PIP5K1B: variants seen among roughly 807,000 people sequenced by gnomAD.
PIP5K1B encodes phosphatidylinositol 4-phosphate 5-kinase type-1 beta.
Under a neutral mutation model 67.0 loss-of-function variants are expected in PIP5K1B, and 42 were observed. That is an observed-to-expected ratio of 0.63 (90% CI 0.49 to 0.81). The LOEUF (loss-of-function observed/expected upper bound fraction) is 0.81, where lower values mean the gene tolerates loss of function less well. PIP5K1B is among the 30% of genes least tolerant of loss of function. The pLI is 0.00. For synonymous variants in PIP5K1B, 214 were observed against 231.4 expected, an observed-to-expected ratio of 0.92 and a Z score of 0.68; for missense variants, 459 against 646.3, an observed-to-expected ratio of 0.71 and a Z score of 3.14.
At chr9:68,952,628 T>A (rs551611674) in intron 14 of PIP5K1B, among the ~76,000 whole-genome samples, 1 of 152,236 alleles carries the variant, frequency 6.6e-6, no homozygotes, top group Non-Finnish European at 1.5e-5. Context: ...TAACACTTGA[T>A]TGATAGATTA....
chr9:68,771,227 A>G (rs1830657884), intron 2 of PIP5K1B, among the ~76,000 whole-genome samples: 1 of 152,218 alleles, frequency 6.6e-6, no homozygotes, highest in Non-Finnish European at 1.5e-5. Flanking sequence ...CTGTGGTTCT[A>G]TCCCTTTGCA....
chr9:68,910,573 A>G (rs1256408373), intron 8 of PIP5K1B, among the ~76,000 whole-genome samples: 1 of 152,222 alleles, frequency 6.6e-6, no homozygotes, highest in Non-Finnish European at 1.5e-5. Context: ...CAGAGCACAC[A>G]GCAAAATGCA....
At chr9:68,778,322 G>A (rs972636873) in intron 2 of PIP5K1B, among the ~76,000 whole-genome samples, 2 of 152,126 alleles carry the variant, frequency 1.3e-5, no homozygotes, top group African/African-American at 4.8e-5. Flanking sequence ...GCCTAGCAGG[G>A]AGTAGGCACT....
intron 14 of PIP5K1B, 93 bp downstream of exon 14, chr9:68,940,883 C>A: frequency 8.6e-7 from 1 of 1,162,718 alleles, no homozygotes; most frequent in Non-Finnish European, 1.3e-6. Context: ...ACGTCTCTAA[C>A]AACCAGGATG....
chr9:68,992,237 C>G (rs895069922), intron 15 of PIP5K1B, among the ~76,000 whole-genome samples: 4 of 151,894 alleles, frequency 2.6e-5, no homozygotes, highest in Non-Finnish European at 5.9e-5. Context: ...GCTGGGATTA[C>G]AGGCATGAGC....
intron 15 of PIP5K1B, among the ~76,000 whole-genome samples, chr9:68,997,911 G>C (rs1830663277): frequency 6.6e-6 from 1 of 151,890 alleles, no homozygotes; most frequent in Non-Finnish European, 1.5e-5. Context: ...TGGCTTTCCA[G>C]TTCAATTAGG....
chr9:68,951,294 A>T (rs1035699230), intron 14 of PIP5K1B, among the ~76,000 whole-genome samples: 7 of 152,238 alleles, frequency 4.6e-5, no homozygotes, highest in African/African-American at 1.4e-4. Context: ...TGCAAATTTC[A>T]TCCTGAAGGC....
chr9:68,924,647 T>C (rs1484757628), intron 12 of PIP5K1B, among the ~76,000 whole-genome samples: 3 of 152,070 alleles, frequency 2.0e-5, no homozygotes, highest in African/African-American at 7.2e-5. Context: ...TAATCCTATA[T>C]ATAGTTATTT....
At chr9:68,912,329 T>C (rs983119968) in intron 8 of PIP5K1B, among the ~76,000 whole-genome samples, 1 of 152,136 alleles carries the variant, frequency 6.6e-6, no homozygotes, top group Non-Finnish European at 1.5e-5. Context: ...TGAATGTAAG[T>C]ACTAGAAAGT....
At chr9:68,985,718 G>C (rs1830069840) in intron 14 of PIP5K1B, among the ~76,000 whole-genome samples, 1 of 152,200 alleles carries the variant, frequency 6.6e-6, no homozygotes, top group African/African-American at 2.4e-5. Context: ...GGCCTCCACG[G>C]GCCTGCACTC....
intron 1 of PIP5K1B, chr9:68,708,115 C>G (rs943708413): frequency 6.6e-6 from 1 of 151,816 alleles, no homozygotes; most frequent in Non-Finnish European, 1.5e-5. Context: ...TTAACAAGTG[C>G]GTTTTAGCTT....
At chr9:68,920,784 T>TCTCTCTCTCACACACACACACACACA (rs879785029) in intron 11 of PIP5K1B, among the ~76,000 whole-genome samples, 1 of 142,130 alleles carries the variant, frequency 7.0e-6, no homozygotes, top group Admixed American at 6.9e-5. Context: ...TCTCTCTCTC[T>TCTCTCTCTCACACACACACACACACA]CACACACATA....
At chr9:68,924,401 C>CAAA (rs71353093) in intron 12 of PIP5K1B, among the ~76,000 whole-genome samples, 25 of 86,748 alleles carry the variant, frequency 2.9e-4, no homozygotes, top group East Asian at 9.6e-4. Flanking sequence ...CACTGCGCCT[C>CAAA]AAAAAAAAAA....
chr9:68,913,685 A>G (rs982380347), intron 8 of PIP5K1B, among the ~76,000 whole-genome samples: 3 of 152,180 alleles, frequency 2.0e-5, no homozygotes, highest in African/African-American at 7.2e-5. Context: ...AGCTTTCCAC[A>G]TATGGGGATA....
chr9:68,881,224 T>G (rs1402893423), intron 6 of PIP5K1B, among the ~76,000 whole-genome samples: 2 of 152,226 alleles, frequency 1.3e-5, no homozygotes, highest in Admixed American at 6.5e-5. Flanking sequence ...TTACCAAATA[T>G]GTACTCAAAC....
intron 2 of PIP5K1B, among the ~76,000 whole-genome samples, chr9:68,807,422 G>T (rs1832928679): frequency 6.6e-6 from 1 of 152,110 alleles, no homozygotes; most frequent in African/African-American, 2.4e-5. Context: ...TAACAGCATT[G>T]GCCATCCCCT....
intron 12 of PIP5K1B, among the ~76,000 whole-genome samples, chr9:68,928,716 T>C (rs2132573387): frequency 6.6e-6 from 1 of 152,350 alleles, no homozygotes; most frequent in South Asian, 2.1e-4. Flanking sequence ...TTTATAGTGC[T>C]GCTACAGTGG....
At chr9:68,922,918 A>C (rs1364756736) in intron 11 of PIP5K1B, among the ~76,000 whole-genome samples, 1 of 152,204 alleles carries the variant, frequency 6.6e-6, no homozygotes, top group Non-Finnish European at 1.5e-5. Flanking sequence ...GTTCATGATT[A>C]AGGGAGTTAC....
rs1216237293 is a variant in PIP5K1B, at chr9:68,945,955, TCAAA to T, written c.1502+5168_1502+5171del. 2.0e-5 allele frequency among the ~76,000 whole-genome samples: 3 copies of T among 152,216 alleles called. No individual in the cohort carries two copies. In the East Asian group the frequency reaches 5.8e-4, roughly 29 times the overall value. On this transcript the variant is annotated intron_variant, in intron 14 of 15. Transcript: ENST00000265382. ...TTCAAAGATGTTAGAGACAGAATGT[TCAAA>T]CACTTTAAAAATTTAACATTAATTT...
Sources: gnomAD v4.1 joint callset for allele counts (sites outside exome capture counted in the v4.1 genomes callset) on GRCh38, gnomAD v4.1.1 for gene constraint, MANE v1.5 for transcripts, NCBI Gene and HGNC (gene_info 2026-07-23, HGNC 2026-07-21) for gene names.